The following CASR variants were observed in gnomAD, a reference collection of about 807,000 sequenced individuals.
CASR encodes calcium sensing receptor, also known as extracellular calcium-sensing receptor.
Under a neutral mutation model 69.1 loss-of-function variants are expected in CASR, and 23 were observed. The observed-to-expected ratio is 0.33, with a 90% confidence interval of 0.24 to 0.47. The LOEUF is 0.47. CASR is among the 20% of genes least tolerant of loss of function. The pLI is 1.00. For synonymous variants in CASR, 541 were observed against 544.7 expected, an observed-to-expected ratio of 0.99 and a Z score of 0.10; for missense variants, 924 against 1,356.1, an observed-to-expected ratio of 0.68 and a Z score of 5.00.
intron 1 of CASR, among the ~76,000 whole-genome samples, chr3:122,216,228 CT>C (rs1367983415): frequency 6.6e-6 from 1 of 152,206 alleles, no homozygotes; most frequent in African/African-American, 2.4e-5. Flanking sequence ...GAGGGCTTTT[CT>C]TTCCCCTTGT....
intron 1 of CASR, among the ~76,000 whole-genome samples, chr3:122,198,791 G>A (rs1286998259): frequency 1.3e-5 from 2 of 151,332 alleles, no homozygotes; most frequent in Admixed American, 6.6e-5. Context: ...TTATAAAATT[G>A]TCATTCATAC....
At chr3:122,267,137 G>A (rs2074704200) in intron 4 of CASR, among the ~76,000 whole-genome samples, 1 of 152,208 alleles carries the variant, frequency 6.6e-6, no homozygotes. Flanking sequence ...TCTTAGGAGT[G>A]AAATGGTTTT....
At chr3:122,216,438 A>G (rs1028697577) in intron 1 of CASR, among the ~76,000 whole-genome samples, 1 of 152,182 alleles carries the variant, frequency 6.6e-6, no homozygotes, top group Non-Finnish European at 1.5e-5. Context: ...TGGGGTGTCT[A>G]TGGAATTTTA....
At chr3:122,278,803 A>T (rs759910698) in intron 5 of CASR, among the ~76,000 whole-genome samples, 1 of 152,224 alleles carries the variant, frequency 6.6e-6, no homozygotes, top group African/African-American at 2.4e-5. Flanking sequence ...TCTCCAGTCA[A>T]GCCATTGTGT....
At chr3:122,241,938 G>A (rs1303621858) in intron 1 of CASR, among the ~76,000 whole-genome samples, 6 of 151,968 alleles carry the variant, frequency 3.9e-5, no homozygotes, top group East Asian at 1.9e-4. Flanking sequence ...TCATATAATC[G>A]TTTTCAATTG....
At chr3:122,193,717 G>T (rs1000697499) in intron 1 of CASR, among the ~76,000 whole-genome samples, 1 of 152,188 alleles carries the variant, frequency 6.6e-6, no homozygotes, top group Non-Finnish European at 1.5e-5. Flanking sequence ...AAATGTGTAA[G>T]ATTGTTATTA....
At position 122,290,998 on chromosome 3, in the gene CASR, T is replaced by C. The variant is rs1338415557; in HGVS notation, c.*5807T>C. On this transcript the variant is annotated 3_prime_UTR_variant, in exon 7 of 7. Transcript: ENST00000639785. Reference sequence around the variant, plus strand: ...CGTGGTGTTTGGTTTTTTGTCCTTGTATTAGTTTGCTGAGAATGATGGTTT... The same window carrying C: ...CGTGGTGTTTGGTTTTTTGTCCTTGCATTAGTTTGCTGAGAATGATGGTTT... 1 of 151,420 alleles carries C rather than the reference T, an allele frequency of 6.6e-6. No homozygotes were observed. The highest frequency in any genetic ancestry group is 2.4e-5 in the African/African-American group (1 of 41,204). The allele number at this position is 151,420 out of a possible 1,614,324, so 9.4% of individuals were successfully genotyped here.
chr3:122,263,630 A>G (rs1455222956), intron 4 of CASR, among the ~76,000 whole-genome samples: 1 of 152,078 alleles, frequency 6.6e-6, no homozygotes, highest in Admixed American at 6.5e-5. Flanking sequence ...AGAGATTCTC[A>G]TGAAAGACAA....
At position 122,188,943 on chromosome 3, in the gene CASR, T is replaced by C. The variant is rs570946482; in HGVS notation, c.-243+5131T>C. ...TAAGGCAGGAAACAATACAGACATG[T>C]GTGATAGTGTTTGTTGAAAAGCTGC... On this transcript the variant is annotated intron_variant, in intron 1 of 6. Coordinates refer to ENST00000639785, the MANE Select transcript of CASR (RefSeq NM_000388.4). 1.1e-4 allele frequency among the ~76,000 whole-genome samples: 16 copies of C among 152,284 alleles called. 1 individual carries two copies. In the South Asian group the frequency reaches 3.1e-3, roughly 30 times the overall value.
Position 122,253,934 on chromosome 3 carries a change from T to G in CASR, c.-242-14T>G, listed in dbSNP as rs2074524815. ...AGGTTTAGCTGAATCCATTTTGTCT[T>G]TCTTTTCTTTTAGAAGGCATCACAG... On this transcript the variant is annotated splice_polypyrimidine_tract_variant and intron_variant, in intron 1 of 6. Transcript: ENST00000639785. The G allele has an allele frequency of 3.9e-6, 2 of 514,156 alleles. No homozygotes were observed. Among genetic ancestry groups the G allele is most frequent in the Non-Finnish European group, 3.5e-6 (1 of 284,486 alleles). The allele number at this position is 514,156 out of a possible 1,614,324, so 31.8% of individuals were successfully genotyped here.
At chr3:122,272,327 G>A (rs1242569079) in intron 4 of CASR, among the ~76,000 whole-genome samples, 1 of 151,792 alleles carries the variant, frequency 6.6e-6, no homozygotes, top group African/African-American at 2.4e-5. Context: ...TTTTTGCCTT[G>A]GCTCCTCTTT....
chr3:122,243,845 A>AT (rs1401822827), intron 1 of CASR, among the ~76,000 whole-genome samples: 3 of 146,162 alleles, frequency 2.1e-5, no homozygotes, highest in African/African-American at 7.5e-5. Flanking sequence ...CTATTCCATC[A>AT]TAAAAAAAAA....
chr3:122,243,996 G>A (rs954732804), intron 1 of CASR, among the ~76,000 whole-genome samples: 4 of 152,132 alleles, frequency 2.6e-5, no homozygotes, highest in Non-Finnish European at 4.4e-5. Context: ...CATGAACATT[G>A]AGAGTAGAAA....
At position 122,288,883 on chromosome 3, in the gene CASR, A is replaced by C. The variant is rs1010641640; in HGVS notation, c.*3692A>C. 2 of 152,196 alleles carry C rather than the reference A, an allele frequency of 1.3e-5. No individual in the cohort carries two copies. Among genetic ancestry groups the C allele is most frequent in the Non-Finnish European group, 2.9e-5 (2 of 68,032 alleles). 9.4% of individuals were successfully genotyped at this position (152,196 alleles called of 1,614,324 possible). A position where few individuals can be genotyped will look rare whatever the true frequency, so the allele number is the denominator to read the frequency against. The stretch of plus-strand genomic sequence containing the variant: ...GAATTATAAAGTTAAAAAGATTTTC[A>C]CTCAAATGAAAGTGTCCTAGAAGAT... On this transcript the variant is annotated 3_prime_UTR_variant, in exon 7 of 7. Coordinates refer to ENST00000639785, the MANE Select transcript of CASR (RefSeq NM_000388.4).
intron 1 of CASR, among the ~76,000 whole-genome samples, chr3:122,228,643 G>A (rs1351606379): frequency 1.3e-5 from 2 of 152,212 alleles, no homozygotes; most frequent in Non-Finnish European, 2.9e-5. Flanking sequence ...GAGTAGAAGG[G>A]GCTGAACAGG....
chr3:122,214,788 C>T (rs6438713), intron 1 of CASR, among the ~76,000 whole-genome samples: 110,283 of 152,130 alleles, frequency 0.72, 40,226 homozygotes, highest in Admixed American at 0.82. Flanking sequence ...TAACTGGACA[C>T]GTGGCAGCAG....
intron 1 of CASR, among the ~76,000 whole-genome samples, chr3:122,221,031 T>TC (rs2074164719): frequency 6.6e-6 from 1 of 152,116 alleles, no homozygotes; most frequent in Admixed American, 6.5e-5. Flanking sequence ...CTTGCCTTCC[T>TC]CCAGTCTCAA....
rs2074649049 is a variant in CASR at position 122,263,222 on chromosome 3, G to A, written c.1377+810G>A. ...AACTGACCTATCAGAGAGATTGCAT[G>A]ACAGTGGAGAGGGCGGGAATTCCTG... On this transcript the variant is annotated intron_variant, in intron 4 of 6. Coordinates refer to ENST00000639785, the MANE Select transcript of CASR (RefSeq NM_000388.4). 2.6e-5 allele frequency among the ~76,000 whole-genome samples: 4 copies of A among 152,232 alleles called. No individual in the cohort carries two copies. In the South Asian group the frequency reaches 8.3e-4, roughly 32 times the overall value.
intron 1 of CASR, among the ~76,000 whole-genome samples, chr3:122,225,968 C>A (rs888289910): frequency 3.9e-5 from 6 of 152,086 alleles, no homozygotes; most frequent in African/African-American, 1.4e-4. Context: ...CAAACTAATG[C>A]AGAAACAGAA....
Sources: gnomAD v4.1 joint callset for allele counts (sites outside exome capture counted in the v4.1 genomes callset) on GRCh38, gnomAD v4.1.1 for gene constraint, MANE v1.5 for transcripts, NCBI Gene and HGNC (gene_info 2026-07-23, HGNC 2026-07-21) for gene names.